The following PCDHGA5 variants were observed in gnomAD, a reference collection of about 807,000 sequenced individuals.
The protein encoded by PCDHGA5 is protocadherin gamma-A5.
Under a neutral mutation model 56.7 loss-of-function variants are expected in PCDHGA5, and 36 were observed. The ratio of observed to expected loss-of-function variants is 0.64; its 90% CI spans 0.49 to 0.84. The LOEUF (loss-of-function observed/expected upper bound fraction) is 0.84, where lower values mean the gene tolerates loss of function less well. Among genes scored for constraint, PCDHGA5 ranks in the 40% least tolerant of loss-of-function variants. PCDHGA5 has a pLI of 0.00. For missense variants in PCDHGA5, 1,305 were observed against 1,201.5 expected (o/e 1.09, Z -1.27); for synonymous variants, 563 against 520.2 (o/e 1.08, Z -1.12).
chr5:141,376,623 G>A (rs559036357), intron 1 of PCDHGA5: 243 of 1,327,112 alleles, frequency 1.8e-4, no homozygotes, highest in Middle Eastern at 7.8e-4. Context: ...TTTGGTACAG[G>A]AAGATTCGTG....
At chr5:141,424,832 A>G (rs2096843522) in intron 1 of PCDHGA5, among the ~76,000 whole-genome samples, 1 of 152,174 alleles carries the variant, frequency 6.6e-6, no homozygotes. Context: ...TGCCTGACAT[A>G]CATGTTATCT....
chr5:141,418,389 A>G (rs768078575), intron 1 of PCDHGA5: 1 of 1,613,996 alleles, frequency 6.2e-7, no homozygotes, highest in South Asian at 1.1e-5. Context: ...CCTAACGAGT[A>G]TTTCTCATTG....
chr5:141,462,262 A>G (rs2099035971), intron 1 of PCDHGA5, among the ~76,000 whole-genome samples: 1 of 152,192 alleles, frequency 6.6e-6, no homozygotes, highest in African/African-American at 2.4e-5. Flanking sequence ...GACCAGCCTA[A>G]AGTGTATTGT....
At position 141,413,788 on chromosome 5, in the gene PCDHGA5, G is replaced by A. The variant is rs2095678300; in HGVS notation, c.2421+47037G>A. The A allele has an allele frequency of 2.1e-5, 34 of 1,613,166 alleles. No individual in the cohort carries two copies. Among genetic ancestry groups the A allele is most frequent in the Non-Finnish European group, 2.8e-5 (33 of 1,179,876 alleles). ...GGAGCTGGTACTGGAGCACTCCCTA[G>A]ATCGCGAGGAAGAGGCCATTCACCA... is the stretch of plus-strand genomic sequence containing the variant. On this transcript the variant is annotated intron_variant, in intron 1 of 3. Coordinates refer to ENST00000518069, the MANE Select transcript of PCDHGA5 (RefSeq NM_018918.3).
intron 3 of PCDHGA5, among the ~76,000 whole-genome samples, chr5:141,509,574 G>T (rs554778751): frequency 6.6e-6 from 1 of 152,300 alleles, no homozygotes; most frequent in South Asian, 2.1e-4. Context: ...TTCACAGTGC[G>T]TACAAATCAG....
Position 141,409,702 on chromosome 5 carries a change from G to A in PCDHGA5, c.2421+42951G>A, listed in dbSNP as rs545411022. The A allele has an allele frequency of 2.0e-5, 32 of 1,613,226 alleles. No homozygotes were observed. In the South Asian group the frequency reaches 3.0e-4, roughly 15 times the overall value. On this transcript the variant is annotated intron_variant, in intron 1 of 3. Transcript: ENST00000518069. ...TGGCGAGTGACCTAGAGCCCCTGGC[G>A]GTGTCGTCATACGTGTCAGTGAGCG...
chr5:141,436,638 A>G (rs2097838155), intron 1 of PCDHGA5, among the ~76,000 whole-genome samples: 1 of 152,194 alleles, frequency 6.6e-6, no homozygotes, highest in Non-Finnish European at 1.5e-5. Flanking sequence ...ACATGCAATT[A>G]ATTAACAGTA....
chr5:141,477,469 T>C lies in PCDHGA5; in HGVS notation c.2422-17338T>C, dbSNP rs2099411540. ...TGCGTGTTCAAGTGTCCGACATCAA[T>C]GACAACCCTCCACAATCTTCTCAAT... On this transcript the variant is annotated intron_variant, in intron 1 of 3. Coordinates refer to ENST00000518069, the MANE Select transcript of PCDHGA5 (RefSeq NM_018918.3). The surrounding 1 kb of genome is among the most constrained non-coding windows in gnomAD (Gnocchi z 4.9). 6.2e-7 allele frequency: 1 copy of C among 1,614,028 alleles called. No homozygotes were observed. Among genetic ancestry groups the C allele is most frequent in the South Asian group, 1.1e-5 (1 of 91,078 alleles).
In PCDHGA5 at chr5:141,390,225, G is replaced by A. The variant is rs886390636; in HGVS notation, c.2421+23474G>A. 25 of 1,613,922 alleles carry A rather than the reference G, an allele frequency of 1.5e-5. No individual in the cohort carries two copies. Among genetic ancestry groups the A allele is most frequent in the Non-Finnish European group, 1.9e-5 (23 of 1,179,908 alleles). On this transcript the variant is annotated intron_variant, in intron 1 of 3. Transcript: ENST00000518069. Reference sequence around the variant, plus strand: ...TTCAGGACAAGACATACTTTGCGGTGATTCATCTGGGGCCTTATTTCCACT... The same window carrying A: ...TTCAGGACAAGACATACTTTGCGGTAATTCATCTGGGGCCTTATTTCCACT...
intron 1 of PCDHGA5, chr5:141,375,375 C>G (rs907988445): frequency 6.2e-7 from 1 of 1,613,834 alleles, no homozygotes; most frequent in Admixed American, 1.7e-5. Context: ...GGAACACCAC[C>G]TCTGTCTACA....
chr5:141,498,104 C>T (rs530844708), intron 2 of PCDHGA5, among the ~76,000 whole-genome samples: 2 of 152,106 alleles, frequency 1.3e-5, no homozygotes, highest in African/African-American at 4.8e-5. Context: ...GTGGTGTGGG[C>T]GTATAATAGG....
intron 2 of PCDHGA5, 147 bp from the exon 3 acceptor site, chr5:141,505,246 G>A (rs2099844792): frequency 2.1e-6 from 3 of 1,436,556 alleles, no homozygotes; most frequent in African/African-American, 1.4e-5. Flanking sequence ...AAGGATTGTA[G>A]AAGTGCCTCC....
At position 141,364,997 on chromosome 5, in the gene PCDHGA5, T is replaced by A; in HGVS notation, c.667T>A (p.Ser223Thr). 1 of 1,613,852 alleles carries A rather than the reference T, an allele frequency of 6.2e-7. No individual in the cohort carries two copies. The stretch of plus-strand genomic sequence containing the variant: ...TTTAGATGGCGGAGACCCGGTACTC[T>A]CCGGCACCACGCACATCCGTGTTAC... ...TALDGGDPVLSGTTHIRVTVL... is the reference protein window; with the variant it reads ...TALDGGDPVLTGTTHIRVTVL... Residue 223 changes from serine (S) to threonine (T), a missense_variant, in exon 1 of 4, where the codon TCC becomes ACC. Ser to Thr is a moderately conservative substitution (Grantham distance 58, BLOSUM62 1). Coordinates refer to ENST00000518069, the MANE Select transcript of PCDHGA5 (RefSeq NM_018918.3).
At position 141,395,103 on chromosome 5, in the gene PCDHGA5, C is replaced by T. The variant is rs1462569715; in HGVS notation, c.2421+28352C>T. 9 of 1,614,156 alleles carry T rather than the reference C, an allele frequency of 5.6e-6. No homozygotes were observed. The highest frequency in any genetic ancestry group is 1.1e-5 in the South Asian group (1 of 91,074). On this transcript the variant is annotated intron_variant, in intron 1 of 3. Transcript: ENST00000518069. ...GGAAGTCTCCCTCACCGCCGACTCG[C>T]GGAAGAGTCACCTGATCTTTCCCCA... is the stretch of plus-strand genomic sequence containing the variant.
chr5:141,410,464 G>A, intron 1 of PCDHGA5: 1 of 1,613,994 alleles, frequency 6.2e-7, no homozygotes, highest in South Asian at 1.1e-5. Context: ...CTTATAATCT[G>A]TGCATTGCAC....
chr5:141,395,413 GT>G, intron 1 of PCDHGA5: 2 of 791,446 alleles, frequency 2.5e-6, no homozygotes, highest in Non-Finnish European at 3.8e-6. Context: ...ATAGGTTATT[GT>G]TTCATTTGCT....
At chr5:141,388,034 C>T in intron 1 of PCDHGA5, 2 of 1,423,576 alleles carry the variant, frequency 1.4e-6, no homozygotes, top group Non-Finnish European at 1.9e-6. Flanking sequence ...TGGGGAACCT[C>T]GCCACGGACC....
At chr5:141,374,341 C>T (rs1770393782) in intron 1 of PCDHGA5, 4 of 1,613,988 alleles carry the variant, frequency 2.5e-6, no homozygotes, top group Non-Finnish European at 3.4e-6. Flanking sequence ...GCTTGGTCAC[C>T]GCGGGTAGGA....
chr5:141,460,950 T>C (rs1458616371), intron 1 of PCDHGA5, among the ~76,000 whole-genome samples: 1 of 135,948 alleles, frequency 7.4e-6, no homozygotes, highest in East Asian at 2.0e-4. Flanking sequence ...ATATGTATTA[T>C]GTATATATAT....
Sources: allele counts gnomAD v4.1 joint callset (sites outside exome capture counted in the v4.1 genomes callset), GRCh38; gene constraint gnomAD v4.1.1; non-coding constraint Gnocchi (gnomAD v3.1); transcripts MANE v1.5; gene names NCBI Gene and HGNC (gene_info 2026-07-23, HGNC 2026-07-21).